The following DCHS2 variants were observed in gnomAD, a reference collection of about 807,000 sequenced individuals.
The protein encoded by DCHS2 is protocadherin-23.
A neutral mutation model predicts 182.4 loss-of-function variants in DCHS2; 142 were observed. That is an observed-to-expected ratio of 0.78 (90% CI 0.68 to 0.89). The LOEUF is 0.89. Among genes scored for constraint, DCHS2 ranks in the 40% least tolerant of loss-of-function variants. The pLI is 0.00. For missense variants in DCHS2, 4,319 were observed against 4,198.6 expected (o/e 1.03, Z -0.79); for synonymous variants, 1,740 against 1,663.3 (o/e 1.05, Z -1.12).
At chr4:154,242,512 G>A in intron 17 of DCHS2, 130 bp downstream of exon 17, 1 of 1,311,460 alleles carries the variant, frequency 7.6e-7, no homozygotes. Context: ...GCAAAATGAA[G>A]ACAAAAATGA....
chr4:154,308,153 T>C (rs75589407), intron 10 of DCHS2, among the ~76,000 whole-genome samples: 3,689 of 152,072 alleles, frequency 0.024, 67 homozygotes, highest in Non-Finnish European at 0.039. Context: ...AGTTACTCTT[T>C]CTACAGTGAC....
chr4:154,333,149 C>A lies in DCHS2; in HGVS notation c.3059G>T (p.Ser1020Ile). The change falls in exon 5 of 20, where the codon AGC becomes ATC. Residue 1020 changes from serine (S) to isoleucine (I), a missense_variant. By Grantham distance (142) the Ser-to-Ile change is moderately radical. Coordinates refer to ENST00000357232, the MANE Select transcript of DCHS2 (RefSeq NM_001358235.2). ...GATGGCAAAGACGCCTGGCTGCGGG[C>A]TGGCGATGGAGTACCGGATGAGTCC... ...RNGLIRYSIA[S>I]PQPGVFAIDR... The A allele has an allele frequency of 6.2e-7, 1 of 1,614,154 alleles. No homozygotes were observed. Among genetic ancestry groups the A allele is most frequent in the Non-Finnish European group, 8.5e-7 (1 of 1,180,038 alleles).
At chr4:154,463,360 A>T (rs772740065) in intron 1 of DCHS2, among the ~76,000 whole-genome samples, 1 of 152,066 alleles carries the variant, frequency 6.6e-6, no homozygotes, top group Non-Finnish European at 1.5e-5. Flanking sequence ...AAGATCCCCA[A>T]CTATTAATTT....
chr4:154,443,275 T>C (rs555705585), intron 1 of DCHS2, among the ~76,000 whole-genome samples: 33 of 152,284 alleles, frequency 2.2e-4, no homozygotes, highest in African/African-American at 7.7e-4. Context: ...CTCATCTCCC[T>C]TAAAACTTAC....
At chr4:154,340,871 T>C (rs533725564) in intron 3 of DCHS2, among the ~76,000 whole-genome samples, 25 of 152,160 alleles carry the variant, frequency 1.6e-4, no homozygotes, top group Middle Eastern at 6.8e-3. Flanking sequence ...CAAAGACAAA[T>C]AAGAGCTGTC....
chr4:154,333,269 A>G lies in DCHS2; in HGVS notation c.2939T>C (p.Leu980Pro). The G allele has an allele frequency of 6.2e-7, 1 of 1,614,208 alleles. No homozygotes were observed. Residue 980 changes from leucine to proline, a missense_variant, in exon 5 of 20, where the codon CTC becomes CCC. Transcript: ENST00000357232. ...TATTCTAATCTCATCCGAGGTCCTG[A>G]GGAACGCTGGGTGGTTGTCATTGAC... ...MDVNDNHPAF[L>P]RTSDEIRISQ... is the part of the protein sequence containing the mutation.
chr4:154,435,896 C>T (rs563307499), intron 1 of DCHS2, among the ~76,000 whole-genome samples: 1 of 152,266 alleles, frequency 6.6e-6, no homozygotes, highest in East Asian at 1.9e-4. Flanking sequence ...GGCTCAGTGA[C>T]AGCAAAAAGT....
chr4:154,454,250 T>G (rs979529683), intron 1 of DCHS2, among the ~76,000 whole-genome samples: 1 of 152,098 alleles, frequency 6.6e-6, no homozygotes, highest in African/African-American at 2.4e-5. Flanking sequence ...AATCTGCCTA[T>G]TCTTTTGTTT....
chr4:154,391,407 T>A, intron 1 of DCHS2: 1 of 1,413,218 alleles, frequency 7.1e-7, no homozygotes, highest in Non-Finnish European at 9.3e-7. Context: ...ACTTTCCACT[T>A]GCAGCATAAA....
chr4:154,311,344 A>G (rs527643934), intron 10 of DCHS2, among the ~76,000 whole-genome samples: 11 of 152,118 alleles, frequency 7.2e-5, no homozygotes, highest in African/African-American at 2.2e-4. Flanking sequence ...CCATCCTTCT[A>G]CTTCAGCTTC....
chr4:154,357,260 C>T, intron 3 of DCHS2: 1 of 1,613,504 alleles, frequency 6.2e-7, no homozygotes, highest in Non-Finnish European at 8.5e-7. Context: ...CTAAACTGTT[C>T]ATTACTTCCT....
At chr4:154,393,136 G>A (rs760680796) in intron 1 of DCHS2, among the ~76,000 whole-genome samples, 25 of 152,150 alleles carry the variant, frequency 1.6e-4, no homozygotes, top group Non-Finnish European at 3.2e-4. Flanking sequence ...AACAGAAATG[G>A]ATGTTACAAG....
At chr4:154,291,707 C>G (rs746505622) in intron 13 of DCHS2, among the ~76,000 whole-genome samples, 16 of 152,098 alleles carry the variant, frequency 1.1e-4, no homozygotes, top group South Asian at 4.1e-4. Context: ...GACAGAAAAA[C>G]TTCACATGTT....
chr4:154,428,378 C>T (rs1356072542), intron 1 of DCHS2, among the ~76,000 whole-genome samples: 1 of 151,588 alleles, frequency 6.6e-6, no homozygotes, highest in African/African-American at 2.4e-5. Context: ...CCCATCTCTA[C>T]AAAAATAAAA....
At position 154,363,145 on chromosome 4, in the gene DCHS2, A is replaced by G. The variant is rs573928212; in HGVS notation, c.2476+3065T>C. On this transcript the variant is annotated intron_variant, in intron 3 of 19. Coordinates refer to ENST00000357232, the MANE Select transcript of DCHS2 (RefSeq NM_001358235.2). ...AAATGTGTTACAGTCATTATGGAAA[A>G]CAGTATGGAGGTTCCTTTAAAAGTT... Among the ~76,000 whole-genome samples, 5 of 152,306 alleles carry G rather than the reference A, an allele frequency of 3.3e-5. No homozygotes were observed. The East Asian group carries it at 9.6e-4, about 29-fold the overall frequency.
intron 15 of DCHS2, among the ~76,000 whole-genome samples, chr4:154,256,314 T>C (rs1732662933): frequency 6.6e-6 from 1 of 152,048 alleles, no homozygotes; most frequent in East Asian, 1.9e-4. Context: ...TTGTATTTTT[T>C]TGTAGAGATG....
chr4:154,329,688 TG>T lies in DCHS2; in HGVS notation c.3752del (p.Ala1251AspfsTer12), dbSNP rs1290763449. On this transcript the variant is annotated frameshift_variant, in exon 6 of 20. Coordinates refer to ENST00000357232, the MANE Select transcript of DCHS2 (RefSeq NM_001358235.2). LOFTEE classifies it high-confidence loss of function. Reference protein sequence around the residue: ...PNTGELINWVALDREHRGHHE... With the variant: ...PNTGELINWVXLDREHRGHHE... Reference sequence around the variant, plus strand: ...GGTGCCCCCGGTGCTCACGATCCAGTGCCACCCAATTGATTAACTCTCCTGC... The same window carrying T: ...GGTGCCCCCGGTGCTCACGATCCAGTCCACCCAATTGATTAACTCTCCTGC... The T allele has an allele frequency of 6.2e-7, 1 of 1,611,958 alleles. No individual in the cohort carries two copies. The highest frequency in any genetic ancestry group is 2.2e-5 in the East Asian group (1 of 44,862).
chr4:154,323,148 G>T (rs1736142067), intron 7 of DCHS2: 19 of 1,489,506 alleles, frequency 1.3e-5, no homozygotes, highest in Non-Finnish European at 1.7e-5. Context: ...ATCTAGATTT[G>T]CTGTTGCATC....
rs756778875 is a variant in DCHS2, at chr4:154,315,816, G to A, written c.5192C>T (p.Ala1731Val). 1.2e-6 allele frequency: 2 copies of A among 1,613,974 alleles called. No homozygotes were observed. The highest frequency in any genetic ancestry group is 1.7e-6 in the Non-Finnish European group (2 of 1,179,968). The change falls in exon 10 of 20, where the codon GCC becomes GTC. Residue 1731 changes from alanine (A) to valine (V), a missense_variant. Ala to Val is a moderately conservative substitution (Grantham distance 64). Coordinates refer to ENST00000357232, the MANE Select transcript of DCHS2 (RefSeq NM_001358235.2). ...APVFKQHLYE[A>V]SVKENQNPGE... ...TGGATTTTGGTTTTCTTTCACTGAG[G>A]CTTCATACAGGTGCTGCTTAAATAC...
Sources: gnomAD v4.1 joint callset for allele counts (sites outside exome capture counted in the v4.1 genomes callset) on GRCh38, gnomAD v4.1.1 for gene constraint, MANE v1.5 for transcripts, NCBI Gene and HGNC (gene_info 2026-07-23, HGNC 2026-07-21) for gene names.